DUSP11: variants seen among roughly 807,000 people sequenced by gnomAD.
DUSP11 encodes the protein RNA/RNP complex-1-interacting phosphatase.
In DUSP11, 27 loss-of-function variants were observed where a neutral mutation model predicts 41.4. That is an observed-to-expected ratio of 0.65 (90% CI 0.48 to 0.90). DUSP11 has a LOEUF of 0.90. DUSP11 is among the 40% of genes least tolerant of loss of function. The pLI, the probability that DUSP11 is intolerant of heterozygous loss-of-function variation, is 0.00. For synonymous variants in DUSP11, 188 were observed against 159.3 expected (o/e 1.18, Z -1.35); for missense variants, 465 against 461.1 (o/e 1.01, Z -0.08).
At chr2:73,773,945 G>A in intron 3 of DUSP11, 22 bp from the exon 4 acceptor site, 1 of 1,543,102 alleles carries the variant, frequency 6.5e-7, no homozygotes, top group Non-Finnish European at 8.8e-7. Flanking sequence ...AACCATAAAA[G>A]ATGTGTATTA....
At chr2:73,764,462 CA>C (rs1486842347) in intron 8 of DUSP11, among the ~76,000 whole-genome samples, 1 of 152,058 alleles carries the variant, frequency 6.6e-6, no homozygotes, top group Non-Finnish European at 1.5e-5. Flanking sequence ...AAAGTGTTTA[CA>C]ACGTGCTAAA....
At chr2:73,774,049 C>G (rs2103943775) in intron 3 of DUSP11, 126 bp from the exon 4 acceptor site, 1 of 727,026 alleles carries the variant, frequency 1.4e-6, no homozygotes, top group South Asian at 4.0e-5. Flanking sequence ...TATCAGTATA[C>G]ACAATTCTGA....
rs778063146 is a variant in DUSP11 at position 73,767,147 on chromosome 2, A to G, written c.682+14T>C. 3.1e-6 allele frequency: 5 copies of G among 1,601,918 alleles called. No individual in the cohort carries two copies. The African/African-American group carries it at 4.0e-5, about 13-fold the overall frequency. On this transcript the variant is annotated intron_variant, in intron 6 of 8. Coordinates refer to ENST00000272444, the Ensembl canonical transcript of DUSP11. Reference sequence around the variant, plus strand: ...TTAATAAAAGGGAAAAATAGTGTCAACCCTCATACTTACATTCAATTGCAT... The same window carrying G: ...TTAATAAAAGGGAAAAATAGTGTCAGCCCTCATACTTACATTCAATTGCAT...
chr2:73,773,556 TAAAA>T (rs1435040046), intron 4 of DUSP11: 3 of 413,768 alleles, frequency 7.3e-6, no homozygotes, highest in African/African-American at 6.2e-5. Flanking sequence ...TCATTCAAAT[TAAAA>T]AAGAAAGATG....
chr2:73,780,074 G>T lies in DUSP11; in HGVS notation c.42C>A (p.Cys14Ter). 1 of 1,595,292 alleles carries T rather than the reference G, an allele frequency of 6.3e-7. No individual in the cohort carries two copies. The highest frequency in any genetic ancestry group is 1.1e-5 in the South Asian group (1 of 89,746). Residue 14 changes from cysteine to a stop codon, truncating the protein, a stop_gained, in exon 1 of 9, where the codon TGC becomes TGA. Coordinates refer to ENST00000272444, the Ensembl canonical transcript of DUSP11. LOFTEE classifies it high-confidence loss of function. Reference sequence around the variant, plus strand: ...AAGACCCTAAACAGGAAAAGACTCGGCAGCCACCTACGCCGCGCTCCAGCG... The same window carrying T: ...AAGACCCTAAACAGGAAAAGACTCGTCAGCCACCTACGCCGCGCTCCAGCG...
intron 3 of DUSP11, 142 bp from the exon 4 acceptor site, chr2:73,774,065 G>C: frequency 3.2e-6 from 2 of 619,868 alleles, no homozygotes; most frequent in Non-Finnish European, 4.9e-6. Context: ...TCTGATAAAA[G>C]AGCCATTTTT....
At chr2:73,777,215 G>T (rs956243516) in intron 2 of DUSP11, among the ~76,000 whole-genome samples, 2 of 152,222 alleles carry the variant, frequency 1.3e-5, no homozygotes, top group African/African-American at 4.8e-5. Context: ...CTGGACTCAA[G>T]CGATACACCC....
intron 4 of DUSP11, among the ~76,000 whole-genome samples, chr2:73,772,454 G>A (rs1368479825): frequency 6.6e-6 from 1 of 152,160 alleles, no homozygotes. Flanking sequence ...CACTCAGGCA[G>A]AAGACCAACA....
intron 2 of DUSP11, among the ~76,000 whole-genome samples, chr2:73,775,370 CTT>C (rs60660160): frequency 2.3e-4 from 29 of 127,344 alleles, no homozygotes; most frequent in Non-Finnish European, 2.9e-4. Flanking sequence ...TATTTCTTTT[CTT>C]TTTTTTTTTT....
At chr2:73,773,674 T>C in intron 4 of DUSP11, 126 bp downstream of exon 4, 1 of 955,708 alleles carries the variant, frequency 1.0e-6, no homozygotes, top group South Asian at 2.0e-5. Context: ...TAGCACCATC[T>C]GACATTTTCA....
intron 8 of DUSP11, among the ~76,000 whole-genome samples, chr2:73,765,295 T>G (rs183715382): frequency 6.6e-6 from 1 of 152,324 alleles, no homozygotes. Flanking sequence ...TCTTGGACAT[T>G]AGAACTCCAG....
chr2:73,776,990 T>G (rs1212979119), intron 2 of DUSP11, among the ~76,000 whole-genome samples: 1 of 152,186 alleles, frequency 6.6e-6, no homozygotes, highest in African/African-American at 2.4e-5. Flanking sequence ...CTCCAACACC[T>G]TCTTTTTGGA....
intron 1 of DUSP11, among the ~76,000 whole-genome samples, chr2:73,779,193 G>A (rs906200660): frequency 1.3e-5 from 2 of 152,084 alleles, no homozygotes; most frequent in Non-Finnish European, 1.5e-5. Flanking sequence ...AAACAAACAG[G>A]AGATTCACTA....
chr2:73,766,493 T>C, exon 8 of DUSP11: 4 of 1,614,138 alleles, frequency 2.5e-6, no homozygotes, highest in Non-Finnish European at 3.4e-6. Context: ...CTGATGTAGA[T>C]TATACCTAGG....
At chr2:73,778,528 C>T (rs1476061378) in intron 1 of DUSP11, 152 bp from the exon 2 acceptor site, 2 of 503,184 alleles carry the variant, frequency 4.0e-6, no homozygotes, top group Non-Finnish European at 6.9e-6. Context: ...TAAACCCCAC[C>T]AAGTAACGAC....
chr2:73,771,646 A>T (rs907575275), intron 4 of DUSP11, among the ~76,000 whole-genome samples: 2 of 142,726 alleles, frequency 1.4e-5, no homozygotes, highest in Non-Finnish European at 3.0e-5. Context: ...GGCGCCCGCC[A>T]CCATGCCTGG....
At chr2:73,767,354 T>C (rs1672484713) in intron 5 of DUSP11, 147 bp from the exon 6 acceptor site, 3 of 615,234 alleles carry the variant, frequency 4.9e-6, no homozygotes, top group Non-Finnish European at 8.5e-6. Context: ...TATTAAAGAA[T>C]GACATACCAT....
exon 1 of DUSP11, chr2:73,779,978 G>T (rs749300268): frequency 6.2e-7 from 1 of 1,614,250 alleles, no homozygotes; most frequent in East Asian, 2.2e-5. Flanking sequence ...GGCTCATGTG[G>T]GTCCCAAGAA....
At chr2:73,766,580 C>G in exon 8 of DUSP11, 1 of 1,607,970 alleles carries the variant, frequency 6.2e-7, no homozygotes, top group Middle Eastern at 1.7e-4. Context: ...CCTGGGTACA[C>G]TGGAATTCCA....
Sources: gnomAD v4.1 joint callset for allele counts (sites outside exome capture counted in the v4.1 genomes callset) on GRCh38, gnomAD v4.1.1 for gene constraint, MANE v1.5 for transcripts, NCBI Gene and HGNC (gene_info 2026-07-23, HGNC 2026-07-21) for gene names.